CEACAM6: variants seen among roughly 807,000 people sequenced by gnomAD.
The protein encoded by CEACAM6 is cell adhesion molecule CEACAM6.
A neutral mutation model predicts 32.4 loss-of-function variants in CEACAM6; 21 were observed. That is an observed-to-expected ratio of 0.65 (90% CI 0.46 to 0.93). The LOEUF (loss-of-function observed/expected upper bound fraction) is 0.93, where lower values mean the gene tolerates loss of function less well. Among genes scored for constraint, CEACAM6 ranks in the 40% least tolerant of loss-of-function variants. The probability of loss-of-function intolerance (pLI) is 0.00; values close to 1 mark genes in which losing one functional copy is unlikely to be tolerated. For missense variants in CEACAM6, 406 were observed against 432.2 expected (o/e 0.94, Z 0.54); for synonymous variants, 184 against 174.4 (o/e 1.06, Z -0.43).
Position 41,762,003 on chromosome 19 carries a change from G to A in CEACAM6, c.738G>A (p.Lys246=). The A allele has an allele frequency of 6.2e-7, 1 of 1,614,082 alleles. No individual in the cohort carries two copies. The highest frequency in any genetic ancestry group is 8.5e-7 in the Non-Finnish European group (1 of 1,180,002). The change falls in exon 4 of 6, where the codon AAG becomes AAA. Residue 246 remains lysine (K), a synonymous_variant. Coordinates refer to ENST00000199764, the MANE Select transcript of CEACAM6 (RefSeq NM_002483.7). ...GPDVPTISPS[K]ANYRPGENLN... The stretch of plus-strand genomic sequence containing the variant: ...ATGTCCCCACCATTTCCCCCTCAAA[G>A]GCCAATTACCGTCCAGGGGAAAATC...
intron 2 of CEACAM6, among the ~76,000 whole-genome samples, chr19:41,759,156 G>A (rs946216530): frequency 2.6e-5 from 4 of 152,174 alleles, no homozygotes; most frequent in Non-Finnish European, 5.9e-5. Flanking sequence ...CCTTCCCCAG[G>A]TGGAGCCGGC....
At position 41,761,972 on chromosome 19, in the gene CEACAM6, GCCCAGATGT is replaced by G; in HGVS notation, c.711_719del (p.Asp238_Pro240del). On this transcript the variant is annotated inframe_deletion, in exon 4 of 6. Coordinates refer to ENST00000199764, the MANE Select transcript of CEACAM6 (RefSeq NM_002483.7). ...GGCTTTATTCTGTTTCCTCCAGATG[GCCCAGATGT>G]CCCCACCATTTCCCCCTCAAAGGCC... 9 of 1,613,830 alleles carry G rather than the reference GCCCAGATGT, an allele frequency of 5.6e-6. No individual in the cohort carries two copies. The South Asian group carries it at 9.9e-5, about 18-fold the overall frequency.
intron 2 of CEACAM6, 21 bp from the exon 3 acceptor site, chr19:41,761,228 T>A: frequency 6.2e-7 from 1 of 1,614,156 alleles, no homozygotes; most frequent in Middle Eastern, 1.7e-4. Context: ...CAGGGCAATC[T>A]TCTCTCTGTT....
intron 2 of CEACAM6, among the ~76,000 whole-genome samples, chr19:41,759,098 C>T (rs113502437): frequency 0.03 from 4,571 of 152,286 alleles, 212 homozygotes; most frequent in African/African-American, 0.095. Context: ...CATTGACTTC[C>T]GTCCTCATCT....
At chr19:41,757,246 C>T (rs1281781771) in intron 2 of CEACAM6, among the ~76,000 whole-genome samples, 1 of 152,050 alleles carries the variant, frequency 6.6e-6, no homozygotes, top group Non-Finnish European at 1.5e-5. Context: ...TCCCCATGGA[C>T]CTGACCCTGA....
Position 41,764,176 on chromosome 19 carries a change from G to A in CEACAM6, c.958+1953G>A, listed in dbSNP as rs369455439. ...ATTATAGGTCTATTCAGATTTTTTT[G>A]TGTGTTCCAGGAATTTGTCCGTTTC... On this transcript the variant is annotated intron_variant, in intron 4 of 5. Transcript: ENST00000199764. 3.9e-5 allele frequency among the ~76,000 whole-genome samples: 6 copies of A among 152,178 alleles called. No homozygotes were observed. In the East Asian group the frequency reaches 7.7e-4, roughly 20 times the overall value.
At chr19:41,766,874 C>T (rs1328786804) in intron 5 of CEACAM6, among the ~76,000 whole-genome samples, 2 of 151,952 alleles carry the variant, frequency 1.3e-5, no homozygotes, top group Non-Finnish European at 2.9e-5. Context: ...GGCATGGTGG[C>T]GAGCACCTGT....
Position 41,767,664 on chromosome 19 carries a change from A to G in CEACAM6, c.*40+1365A>G, listed in dbSNP as rs114224234. 3.7e-3 allele frequency among the ~76,000 whole-genome samples: 568 copies of G among 152,296 alleles called. 4 individuals carry two copies. Among genetic ancestry groups the G allele is most frequent in the African/African-American group, 0.013 (534 of 41,572 alleles). On this transcript the variant is annotated intron_variant, in intron 5 of 5. Transcript: ENST00000199764. ...TTTTTAAGCCTCTCCAGACGCTACT[A>G]ATGTGTAGCCACGATGGAGGATCCC... is the stretch of plus-strand genomic sequence containing the variant.
chr19:41,756,453 GAC>G (rs4060857), intron 1 of CEACAM6, 145 bp from the exon 2 acceptor site: 54,592 of 913,154 alleles, frequency 0.06, 63 homozygotes, highest in South Asian at 0.073. Context: ...GACTCAGTAG[GAC>G]ACACACACAC....
chr19:41,761,462 A>C lies in CEACAM6; in HGVS notation c.638A>C (p.Tyr213Ser). 6.2e-7 allele frequency: 1 copy of C among 1,614,196 alleles called. No individual in the cohort carries two copies. The highest frequency in any genetic ancestry group is 1.3e-5 in the African/African-American group (1 of 75,048). Residue 213 changes from tyrosine (Y) to serine (S), a missense_variant, in exon 3 of 6, where the codon TAT becomes TCT. Physicochemically the swap from Tyr to Ser is moderately radical, Grantham distance 144. Coordinates refer to ENST00000199764, the MANE Select transcript of CEACAM6 (RefSeq NM_002483.7). ...LSVKRNDAGSYECEIQNPASA... is the reference protein window; with the variant it reads ...LSVKRNDAGSSECEIQNPASA... ...GTCAAAAGGAACGATGCAGGATCCT[A>C]TGAATGTGAAATACAGAACCCAGCG...
chr19:41,762,319 C>A, intron 4 of CEACAM6, 96 bp downstream of exon 4: 2 of 1,428,404 alleles, frequency 1.4e-6, no homozygotes, highest in African/African-American at 1.4e-5. Flanking sequence ...AACCTGTGTC[C>A]AAGGGGCACA....
intron 2 of CEACAM6, among the ~76,000 whole-genome samples, chr19:41,759,642 G>A (rs4803507): frequency 0.27 from 40,383 of 152,034 alleles, 5,629 homozygotes; most frequent in Middle Eastern, 0.4. Flanking sequence ...GGAATTCACA[G>A]CACACCTAAA....
intron 3 of CEACAM6, among the ~76,000 whole-genome samples, 183 bp downstream of exon 3, chr19:41,761,710 G>A (rs1011919352): frequency 2.0e-5 from 3 of 152,198 alleles, no homozygotes; most frequent in Non-Finnish European, 2.9e-5. Flanking sequence ...GGGAGGGGCT[G>A]TCTCCTGTGC....
At chr19:41,760,813 T>C (rs2072918108) in intron 2 of CEACAM6, among the ~76,000 whole-genome samples, 1 of 152,138 alleles carries the variant, frequency 6.6e-6, no homozygotes, top group African/African-American at 2.4e-5. Flanking sequence ...ATCACCCATC[T>C]CTAGAATGTC....
At chr19:41,757,405 C>T (rs1366049920) in intron 2 of CEACAM6, among the ~76,000 whole-genome samples, 1 of 152,068 alleles carries the variant, frequency 6.6e-6, no homozygotes, top group East Asian at 1.9e-4. Flanking sequence ...GGAGTCTGTG[C>T]CAGGGCTGTG....
chr19:41,756,596 C>T lies in CEACAM6; in HGVS notation c.65-4C>T, dbSNP rs1555821066. The stretch of plus-strand genomic sequence containing the variant: ...ATTGACCGATGCTCTCTCCTCTCTC[C>T]TAGCCTCACTTCTAACCTTCTGGAA... On this transcript the variant is annotated splice_polypyrimidine_tract_variant and splice_region_variant and intron_variant, in intron 1 of 5. Coordinates refer to ENST00000199764, the MANE Select transcript of CEACAM6 (RefSeq NM_002483.7). 10 of 1,612,732 alleles carry T rather than the reference C, an allele frequency of 6.2e-6. No homozygotes were observed. Among genetic ancestry groups the T allele is most frequent in the East Asian group, 2.2e-5 (1 of 44,878 alleles).
In CEACAM6 at chr19:41,771,197, A is replaced by T. The variant is rs533300391; in HGVS notation, c.*436A>T. On this transcript the variant is annotated 3_prime_UTR_variant, in exon 6 of 6. Coordinates refer to ENST00000199764, the MANE Select transcript of CEACAM6 (RefSeq NM_002483.7). ...TCAGAGGGTAACTTAACAGAGTGTC[A>T]GATCTATCTTGTCAATCCCAACGTT... 6.6e-6 allele frequency: 1 copy of T among 152,346 alleles called. No individual in the cohort carries two copies. Among genetic ancestry groups the T allele is most frequent in the South Asian group, 2.1e-4 (1 of 4,824 alleles). 9.4% of individuals were successfully genotyped at this position (152,346 alleles called of 1,614,324 possible). A position where few individuals can be genotyped will look rare whatever the true frequency, so the allele number is the denominator to read the frequency against.
At chr19:41,767,473 A>G (rs2072963187) in intron 5 of CEACAM6, among the ~76,000 whole-genome samples, 1 of 152,236 alleles carries the variant, frequency 6.6e-6, no homozygotes, top group East Asian at 1.9e-4. Flanking sequence ...AAAAATAATC[A>G]TGATACCAAA....
At chr19:41,756,526 A>G in intron 1 of CEACAM6, 74 bp from the exon 2 acceptor site, 2 of 1,553,990 alleles carry the variant, frequency 1.3e-6, no homozygotes, top group East Asian at 2.2e-5. Flanking sequence ...AGACCTGCTC[A>G]GGACCCAGGG....
Sources: allele counts gnomAD v4.1 joint callset (sites outside exome capture counted in the v4.1 genomes callset), GRCh38; gene constraint gnomAD v4.1.1; transcripts MANE v1.5; gene names NCBI Gene and HGNC (gene_info 2026-07-23, HGNC 2026-07-21).